Variants in MOB3B observed in about 807,000 individuals in gnomAD.
MOB3B encodes MOB kinase activator 3B.
A neutral mutation model predicts 18.7 loss-of-function variants in MOB3B; 7 were observed. The ratio of observed to expected loss-of-function variants is 0.37; its 90% CI spans 0.21 to 0.70. The LOEUF (loss-of-function observed/expected upper bound fraction) is 0.70, where lower values mean the gene tolerates loss of function less well. MOB3B is among the 30% of genes least tolerant of loss of function. The pLI is 0.52. For synonymous variants in MOB3B, 111 were observed against 99.9 expected, an observed-to-expected ratio of 1.11 and a Z score of -0.66; for missense variants, 253 against 281.3, an observed-to-expected ratio of 0.90 and a Z score of 0.72.
chr9:27,384,540 CAATTGTTCCAG>C (rs1821624360), intron 2 of MOB3B, among the ~76,000 whole-genome samples: 1 of 152,192 alleles, frequency 6.6e-6, no homozygotes, highest in Non-Finnish European at 1.5e-5. Context: ...CTTATTAAAA[CAATTGTTCCAG>C]AATTCATTCT....
intron 1 of MOB3B, among the ~76,000 whole-genome samples, chr9:27,521,769 T>C (rs1255329123): frequency 1.3e-5 from 2 of 152,190 alleles, no homozygotes; most frequent in Non-Finnish European, 2.9e-5. Flanking sequence ...TCCCACATAC[T>C]GTGTGTTATT....
chr9:27,342,123 G>A (rs867873879), intron 3 of MOB3B, among the ~76,000 whole-genome samples: 7 of 152,164 alleles, frequency 4.6e-5, no homozygotes. Context: ...GCAGAGCTGA[G>A]CGACTGGGAC....
intron 1 of MOB3B, among the ~76,000 whole-genome samples, chr9:27,486,443 C>T (rs990056026): frequency 1.3e-5 from 2 of 152,166 alleles, no homozygotes; most frequent in Non-Finnish European, 2.9e-5. Context: ...TTGAAGCACC[C>T]TTCAAAGCAT....
intron 1 of MOB3B, among the ~76,000 whole-genome samples, chr9:27,515,449 TC>T (rs1222385593): frequency 2.0e-5 from 3 of 152,208 alleles, no homozygotes; most frequent in Non-Finnish European, 4.4e-5. Flanking sequence ...GCTCAATAGT[TC>T]CCAGTTTCCA....
rs1408057936 is a variant in MOB3B, at chr9:27,329,371, T to C, written c.*1216A>G. ...GGATGTAGTACAGAATGCATTATTC[T>C]GACTGTCTTCTGGAATAGAAAAATT... On this transcript the variant is annotated 3_prime_UTR_variant, in exon 4 of 4. Coordinates refer to ENST00000262244, the MANE Select transcript of MOB3B (RefSeq NM_024761.5). The C allele has an allele frequency of 6.6e-6, 1 of 152,212 alleles. No individual in the cohort carries two copies. The highest frequency in any genetic ancestry group is 1.5e-5 in the Non-Finnish European group (1 of 68,040). 9.4% of individuals were successfully genotyped at this position (152,212 alleles called of 1,614,324 possible).
In MOB3B at chr9:27,438,877, C is replaced by T. The variant is rs80030550; in HGVS notation, c.418+16256G>A. Among the ~76,000 whole-genome samples the T allele has an allele frequency of 1.4e-4, 21 of 152,140 alleles. No homozygotes were observed. In the East Asian group the frequency reaches 1.9e-3, roughly 14 times the overall value. On this transcript the variant is annotated intron_variant, in intron 2 of 3. Transcript: ENST00000262244. ...TGAGGGGTGACTGAGAAACCATGGC[C>T]GAAAAGTCCACCTCAGCAGCAAGTC... is the stretch of plus-strand genomic sequence containing the variant.
At chr9:27,378,689 T>A (rs897240445) in intron 2 of MOB3B, 2 of 470,898 alleles carry the variant, frequency 4.2e-6, no homozygotes, top group African/African-American at 4.0e-5. Context: ...ACCTGGGGAA[T>A]CCTGTGCATC....
intron 1 of MOB3B, among the ~76,000 whole-genome samples, chr9:27,489,233 T>C (rs561011855): frequency 6.6e-6 from 1 of 152,364 alleles, no homozygotes; most frequent in African/African-American, 2.4e-5. Flanking sequence ...TCTTCCCTTG[T>C]CATTTAAGCA....
Position 27,529,726 on chromosome 9 carries a change from C to A in MOB3B, c.-370G>T. On this transcript the variant is annotated 5_prime_UTR_variant, in exon 1 of 4. Coordinates refer to ENST00000262244, the MANE Select transcript of MOB3B (RefSeq NM_024761.5). ...CCCGGCGAGCCAACCGGCGGACGGG[C>A]GAGCGCCTGGCTCCAGCTGCAGCCG... The A allele has an allele frequency of 2.0e-6, 2 of 985,454 alleles. No individual in the cohort carries two copies. The highest frequency in any genetic ancestry group is 1.2e-6 in the Non-Finnish European group (1 of 829,962). 61.0% of individuals were successfully genotyped at this position (985,454 alleles called of 1,614,324 possible).
chr9:27,386,382 G>A (rs1366758310), intron 2 of MOB3B, among the ~76,000 whole-genome samples: 1 of 152,184 alleles, frequency 6.6e-6, no homozygotes, highest in Non-Finnish European at 1.5e-5. Context: ...GAAATGTTCA[G>A]TAACAGCAAC....
At chr9:27,527,310 A>G (rs1380965892) in intron 1 of MOB3B, among the ~76,000 whole-genome samples, 2 of 152,142 alleles carry the variant, frequency 1.3e-5, no homozygotes, top group African/African-American at 4.8e-5. Context: ...TTCCTTGGGG[A>G]TCATTTTCAT....
At chr9:27,490,484 G>A (rs532227247) in intron 1 of MOB3B, among the ~76,000 whole-genome samples, 1 of 152,224 alleles carries the variant, frequency 6.6e-6, no homozygotes, top group Non-Finnish European at 1.5e-5. Context: ...CAGGAGATGA[G>A]ATTTGAATGT....
chr9:27,456,123 G>T (rs766179909), intron 1 of MOB3B, among the ~76,000 whole-genome samples: 1 of 152,136 alleles, frequency 6.6e-6, no homozygotes, highest in Non-Finnish European at 1.5e-5. Flanking sequence ...TATTAAGTAG[G>T]CATGGGGACA....
intron 1 of MOB3B, chr9:27,524,369 T>TTTGC: frequency 6.2e-7 from 1 of 1,613,706 alleles, no homozygotes; most frequent in African/African-American, 1.3e-5. Context: ...TTCAAAAGTG[T>TTTGC]TTGTGGCTTG....
At chr9:27,504,130 C>T (rs1563885099) in intron 1 of MOB3B, among the ~76,000 whole-genome samples, 1 of 152,232 alleles carries the variant, frequency 6.6e-6, no homozygotes, top group African/African-American at 2.4e-5. Context: ...TTTTGCTCAA[C>T]TTTAAATTCA....
At chr9:27,351,303 CCCAGTAGG>C (rs55979961) in intron 3 of MOB3B, among the ~76,000 whole-genome samples, 65,186 of 151,916 alleles carry the variant, frequency 0.43, 14,375 homozygotes, top group Middle Eastern at 0.51. Context: ...CAGTAGTAAT[CCCAGTAGG>C]TCAGTAATCT....
At position 27,472,678 on chromosome 9, in the gene MOB3B, TAAAAA is replaced by T. The variant is rs56092176; in HGVS notation, c.-198-16935_-198-16931del. ...ATTCTCTTTAAACTGCACTTTATTCTAAAAAAAAAAAAAAAAAAAAAAAAAAAGAG... is the reference window on the plus strand; with the variant it reads ...ATTCTCTTTAAACTGCACTTTATTCTAAAAAAAAAAAAAAAAAAAAAAGAG... On this transcript the variant is annotated intron_variant, in intron 1 of 3. Coordinates refer to ENST00000262244, the MANE Select transcript of MOB3B (RefSeq NM_024761.5). Among the ~76,000 whole-genome samples, 44 of 98,904 alleles carry T rather than the reference TAAAAA, an allele frequency of 4.4e-4. 1 individual carries two copies. Among genetic ancestry groups the T allele is most frequent in the Admixed American group, 6.3e-4 (6 of 9,476 alleles). 64.9% of individuals were successfully genotyped at this position (98,904 alleles called of 152,430 possible). A position where few individuals can be genotyped will look rare whatever the true frequency, so the allele number is the denominator to read the frequency against.
At chr9:27,343,035 T>C (rs1005325180) in intron 3 of MOB3B, among the ~76,000 whole-genome samples, 4 of 151,698 alleles carry the variant, frequency 2.6e-5, no homozygotes, top group African/African-American at 9.7e-5. Flanking sequence ...TTTTGTAGAA[T>C]AGAAAAGGGG....
chr9:27,483,440 G>A (rs1462620532), intron 1 of MOB3B, among the ~76,000 whole-genome samples: 1 of 151,938 alleles, frequency 6.6e-6, no homozygotes, highest in Non-Finnish European at 1.5e-5. Context: ...CCAATATATG[G>A]TACTTCTTTC....
Sources: gnomAD v4.1 joint callset for allele counts (sites outside exome capture counted in the v4.1 genomes callset) on GRCh38, gnomAD v4.1.1 for gene constraint, MANE v1.5 for transcripts, NCBI Gene and HGNC (gene_info 2026-07-23, HGNC 2026-07-21) for gene names.